UGT1A10: variants seen among roughly 807,000 people sequenced by gnomAD.
UGT1A10 encodes UDP glucuronosyltransferase family 1 member A10.
In UGT1A10, 49 loss-of-function variants were observed where a neutral mutation model predicts 45.8. The ratio of observed to expected loss-of-function variants is 1.07; its 90% CI spans 0.85 to 1.36. UGT1A10 has a LOEUF of 1.36. Among genes scored for constraint, UGT1A10 ranks in the 40% most tolerant of loss-of-function variants. UGT1A10 has a pLI of 0.00. For synonymous variants in UGT1A10, 284 were observed against 249.7 expected, an observed-to-expected ratio of 1.14 and a Z score of -1.29; for missense variants, 745 against 668.6, an observed-to-expected ratio of 1.11 and a Z score of -1.26.
chr2:233,719,160 A>G (rs2125666938), intron 1 of UGT1A10: 1 of 1,614,264 alleles, frequency 6.2e-7, no homozygotes, highest in South Asian at 1.1e-5. Flanking sequence ...TTCTAGAAGT[A>G]TGGCAATTAT....
At chr2:233,724,647 T>C (rs1247687172) in intron 1 of UGT1A10, among the ~76,000 whole-genome samples, 4 of 137,372 alleles carry the variant, frequency 2.9e-5, no homozygotes, top group African/African-American at 1.1e-4. Context: ...TGATGGCGGC[T>C]GGGAAGAGGC....
At chr2:233,741,525 C>T (rs916484362) in intron 1 of UGT1A10, 1 of 151,902 alleles carries the variant, frequency 6.6e-6, no homozygotes, top group South Asian at 2.1e-4. Context: ...CCTTAACAGT[C>T]TGTCTTATTC....
At chr2:233,754,937 G>A in intron 1 of UGT1A10, 1 of 1,338,066 alleles carries the variant, frequency 7.5e-7, no homozygotes, top group Non-Finnish European at 1.0e-6. Flanking sequence ...AGAGGTCAAA[G>A]GAGAATGGGT....
At chr2:233,691,328 C>T in intron 1 of UGT1A10, 1 of 985,570 alleles carries the variant, frequency 1.0e-6, no homozygotes, top group South Asian at 4.7e-5. Context: ...CCAGCTTGGA[C>T]TGAGCTGAGT....
intron 1 of UGT1A10, among the ~76,000 whole-genome samples, chr2:233,662,423 A>G (rs1202844832): frequency 6.6e-6 from 1 of 152,150 alleles, no homozygotes; most frequent in Non-Finnish European, 1.5e-5. Flanking sequence ...ATGGACCAAC[A>G]CCGTTGAAAC....
intron 1 of UGT1A10, among the ~76,000 whole-genome samples, chr2:233,681,524 C>A: frequency 8.1e-6 from 1 of 123,972 alleles, no homozygotes; most frequent in African/African-American, 3.2e-5. Flanking sequence ...CAGTGAGACT[C>A]CATCTCAAAA....
intron 1 of UGT1A10, chr2:233,672,224 A>C (rs2074216284): frequency 9.3e-6 from 15 of 1,614,064 alleles, no homozygotes; most frequent in Non-Finnish European, 1.3e-5. Flanking sequence ...GCCCATGCTC[A>C]ATGGAAAGCA....
chr2:233,754,869 C>A (rs1695620043), intron 1 of UGT1A10: 2 of 1,352,824 alleles, frequency 1.5e-6, no homozygotes, highest in South Asian at 2.3e-5. Context: ...AGACCCTCTG[C>A]TTCTGCTTCC....
chr2:233,758,555 A>G (rs1183009321), intron 1 of UGT1A10, among the ~76,000 whole-genome samples: 1 of 152,170 alleles, frequency 6.6e-6, no homozygotes, highest in African/African-American at 2.4e-5. Context: ...CTTGCCCAGA[A>G]TCTTGGTCCT....
rs1438675423 is a variant in UGT1A10 at position 233,720,224 on chromosome 2, C to CA, written c.856-46809dup. On this transcript the variant is annotated intron_variant, in intron 1 of 4. Coordinates refer to ENST00000344644, the MANE Select transcript of UGT1A10 (RefSeq NM_019075.4). ...TGAAGGTGGGATGGATGCATGTGAT[C>CA]AGAGAATGAAACATGGAGTTCAGTT... is the stretch of plus-strand genomic sequence containing the variant. Among the ~76,000 whole-genome samples the CA allele has an allele frequency of 3.3e-5, 5 of 152,078 alleles. No homozygotes were observed. The East Asian group carries it at 9.6e-4, about 29-fold the overall frequency.
intron 1 of UGT1A10, among the ~76,000 whole-genome samples, chr2:233,701,290 G>C (rs1052682506): frequency 2.0e-5 from 3 of 151,970 alleles, no homozygotes; most frequent in Non-Finnish European, 4.4e-5. Context: ...TTGAGGAATC[G>C]CCACACTGTC....
At chr2:233,642,450 C>T (rs752594218) in intron 1 of UGT1A10, among the ~76,000 whole-genome samples, 3 of 152,184 alleles carry the variant, frequency 2.0e-5, no homozygotes, top group Non-Finnish European at 4.4e-5. Context: ...TGAGTTTCCT[C>T]AACACAGCTA....
In UGT1A10 at chr2:233,769,970, G is replaced by A. The variant is rs1018671340; in HGVS notation, c.1295+1531G>A. On this transcript the variant is annotated intron_variant, in intron 4 of 4. Coordinates refer to ENST00000344644, the MANE Select transcript of UGT1A10 (RefSeq NM_019075.4). The surrounding 1 kb of genome is among the most constrained non-coding windows in gnomAD (Gnocchi z 4.4). ...AGCGGCTTCTTCTGGCCACCTCAAT[G>A]TCAGGATGTCCTGCTCACATATCAA... 2.9e-5 allele frequency: 6 copies of A among 208,668 alleles called. No individual in the cohort carries two copies. The highest frequency in any genetic ancestry group is 2.2e-4 in the South Asian group (2 of 9,026). The allele number at this position is 208,668 out of a possible 1,614,324, so 12.9% of individuals were successfully genotyped here.
At chr2:233,704,427 A>G (rs939279482) in intron 1 of UGT1A10, among the ~76,000 whole-genome samples, 2 of 152,100 alleles carry the variant, frequency 1.3e-5, no homozygotes, top group Non-Finnish European at 1.5e-5. Flanking sequence ...ACTTAATTCC[A>G]GTTAAATATT....
chr2:233,657,460 A>G (rs909057153), intron 1 of UGT1A10, among the ~76,000 whole-genome samples: 6 of 152,178 alleles, frequency 3.9e-5, no homozygotes, highest in African/African-American at 1.4e-4. Flanking sequence ...CAAGAGAAAA[A>G]GGAGGGGTTG....
At chr2:233,772,131 C>T in intron 4 of UGT1A10, 131 bp from the exon 5 acceptor site, 2 of 1,543,198 alleles carry the variant, frequency 1.3e-6, no homozygotes, top group South Asian at 2.4e-5. Context: ...ACAACAACAA[C>T]AATAATAGAA....
At chr2:233,695,523 CT>C (rs563990924) in intron 1 of UGT1A10, among the ~76,000 whole-genome samples, 59 of 151,370 alleles carry the variant, frequency 3.9e-4, no homozygotes, top group African/African-American at 1.4e-3. Flanking sequence ...AATTTTATTT[CT>C]TTTTTCTTTT....
rs541267003 is a variant in UGT1A10, at chr2:233,744,012, G to T, written c.856-23022G>T. 67 of 1,089,588 alleles carry T rather than the reference G, an allele frequency of 6.1e-5. 1 individual carries two copies. Among genetic ancestry groups the T allele is most frequent in the Non-Finnish European group, 7.2e-5 (60 of 828,198 alleles). The allele number at this position is 1,089,588 out of a possible 1,614,324, so 67.5% of individuals were successfully genotyped here. ...GCCCGAGTGCTCGGAGACCTGGGCC[G>T]CCTGGAGAGACGCCCCTTATGACGC... On this transcript the variant is annotated intron_variant, in intron 1 of 4. Transcript: ENST00000344644.
At chr2:233,705,882 G>T (rs1372045008) in intron 1 of UGT1A10, among the ~76,000 whole-genome samples, 1 of 152,150 alleles carries the variant, frequency 6.6e-6, no homozygotes, top group Non-Finnish European at 1.5e-5. Flanking sequence ...GAGGCCAGGA[G>T]TTCAAGACTG....
Sources: allele counts gnomAD v4.1 joint callset (sites outside exome capture counted in the v4.1 genomes callset), GRCh38; gene constraint gnomAD v4.1.1; non-coding constraint Gnocchi (gnomAD v3.1); transcripts MANE v1.5; gene names NCBI Gene and HGNC (gene_info 2026-07-23, HGNC 2026-07-21).